The following ICOS variants were observed in gnomAD, a reference collection of about 807,000 sequenced individuals.
ICOS encodes inducible T cell costimulator, also known as inducible T-cell costimulator.
ICOS carries 15 observed loss-of-function variants against 24.6 expected under a neutral mutation model. That is an observed-to-expected ratio of 0.61 (90% confidence interval 0.41 to 0.94). The LOEUF (loss-of-function observed/expected upper bound fraction) is 0.94. ICOS is among the 40% of genes least tolerant of loss of function. The pLI is 0.00. For missense variants in ICOS, 200 were observed against 233.0 expected (o/e 0.86, Z 0.92); for synonymous variants, 89 against 77.5 (o/e 1.15, Z -0.78).
At chr2:203,956,793 C>A in intron 3 of ICOS, 28 bp downstream of exon 3, 1 of 1,394,052 alleles carries the variant, frequency 7.2e-7, no homozygotes, top group Non-Finnish European at 1.0e-6. Context: ...TTCCTTGTAT[C>A]TGCTTTACAG....
intron 1 of ICOS, among the ~76,000 whole-genome samples, chr2:203,946,031 G>C (rs1279574912): frequency 6.6e-6 from 1 of 152,168 alleles, no homozygotes; most frequent in Non-Finnish European, 1.5e-5. Flanking sequence ...GTATTCAGAG[G>C]TGTGGATAAA....
intron 1 of ICOS, among the ~76,000 whole-genome samples, chr2:203,948,872 G>A (rs1034306852): frequency 8.5e-5 from 13 of 152,188 alleles, no homozygotes; most frequent in Admixed American, 3.9e-4. Context: ...CCTGCTTTGT[G>A]TGTTTGAGGA....
At chr2:203,957,720 CAAAGA>C in intron 3 of ICOS, 74 bp from the exon 4 acceptor site, 2 of 1,097,060 alleles carry the variant, frequency 1.8e-6, no homozygotes, top group Non-Finnish European at 2.8e-6. Context: ...ACCACTTCAA[CAAAGA>C]ATAGAAAACA....
At chr2:203,944,631 A>G (rs1689838048) in intron 1 of ICOS, among the ~76,000 whole-genome samples, 1 of 152,216 alleles carries the variant, frequency 6.6e-6, no homozygotes. Flanking sequence ...ATTTAATATG[A>G]TTGAGCTTCC....
chr2:203,958,873 C>T (rs1006228798), intron 4 of ICOS, among the ~76,000 whole-genome samples: 6 of 152,050 alleles, frequency 3.9e-5, no homozygotes, highest in African/African-American at 1.4e-4. Context: ...TGTGTTCTGG[C>T]TGTTTGGATC....
chr2:203,955,891 A>G lies in ICOS; in HGVS notation c.314A>G (p.Asn105Ser). 1 of 1,613,680 alleles carries G rather than the reference A, an allele frequency of 6.2e-7. No homozygotes were observed. Among genetic ancestry groups the G allele is most frequent in the Middle Eastern group, 1.7e-4 (1 of 6,058 alleles). ...FLYNLDHSHA[N>S]YYFCNLSIFD... The stretch of plus-strand genomic sequence containing the variant: ...TACAACTTGGACCATTCTCATGCCA[A>G]CTATTACTTCTGCAACCTATCAATT... The change falls in exon 2 of 5, where the codon AAC becomes AGC. Residue 105 changes from asparagine to serine, a missense_variant. Coordinates refer to ENST00000316386, the MANE Select transcript of ICOS (RefSeq NM_012092.4).
intron 2 of ICOS, 108 bp downstream of exon 2, chr2:203,956,079 C>T: frequency 1.4e-6 from 1 of 721,820 alleles, no homozygotes; most frequent in Non-Finnish European, 2.3e-6. Context: ...TGTTGGAGTT[C>T]ACTTAGATGC....
chr2:203,945,462 G>A (rs947630472), intron 1 of ICOS, among the ~76,000 whole-genome samples: 8 of 152,160 alleles, frequency 5.3e-5, no homozygotes, highest in Admixed American at 1.3e-4. Flanking sequence ...GCCACTTGAC[G>A]ATGGGAATAC....
At chr2:203,950,001 T>C (rs1689941680) in intron 1 of ICOS, among the ~76,000 whole-genome samples, 2 of 152,252 alleles carry the variant, frequency 1.3e-5, no homozygotes, top group Non-Finnish European at 2.9e-5. Flanking sequence ...GCTTTAGTCA[T>C]GGTTATAAGG....
intron 1 of ICOS, 113 bp downstream of exon 1, chr2:203,936,985 T>A: frequency 1.3e-6 from 1 of 770,582 alleles, no homozygotes; most frequent in Admixed American, 2.0e-5. Flanking sequence ...TTTTTGAAAG[T>A]AGGAATAGTT....
At chr2:203,953,594 T>C (rs1405629392) in intron 1 of ICOS, among the ~76,000 whole-genome samples, 3 of 152,176 alleles carry the variant, frequency 2.0e-5, no homozygotes, top group Admixed American at 6.5e-5. Flanking sequence ...AGGCAACTAG[T>C]GTAAGTAGAG....
At position 203,950,258 on chromosome 2, in the gene ICOS, G is replaced by A. The variant is rs1689946367; in HGVS notation, c.59-5378G>A. Among the ~76,000 whole-genome samples, 3 of 152,228 alleles carry A rather than the reference G, an allele frequency of 2.0e-5. No homozygotes were observed. In the South Asian group the frequency reaches 6.2e-4, roughly 31 times the overall value. ...ATCTGGTGAGGGCCTTCTTTCTGGT[G>A]GGGACACTCATCAGAGGCCCAAGGC... On this transcript the variant is annotated intron_variant, in intron 1 of 4. Transcript: ENST00000316386.
At position 203,961,443 on chromosome 2, in the gene ICOS, GAC is replaced by G. The variant is rs1414118025; in HGVS notation, c.*1847_*1848del. On this transcript the variant is annotated 3_prime_UTR_variant, in exon 5 of 5. Coordinates refer to ENST00000316386, the MANE Select transcript of ICOS (RefSeq NM_012092.4). The stretch of plus-strand genomic sequence containing the variant: ...CGACACATCCTCATCCCCAGCATGG[GAC>G]ACCTCAAGATGAATAATAATTCACA... 5.6e-5 allele frequency: 9 copies of G among 160,018 alleles called. No individual in the cohort carries two copies. The highest frequency in any genetic ancestry group is 1.2e-4 in the Non-Finnish European group (9 of 73,016). 9.9% of individuals were successfully genotyped at this position (160,018 alleles called of 1,614,324 possible). A position where few individuals can be genotyped will look rare whatever the true frequency, so the allele number is the denominator to read the frequency against.
At position 203,959,638 on chromosome 2, in the gene ICOS, A is replaced by G; in HGVS notation, c.*39A>G. 1 of 1,602,716 alleles carries G rather than the reference A, an allele frequency of 6.2e-7. No individual in the cohort carries two copies. Among genetic ancestry groups the G allele is most frequent in the Non-Finnish European group, 8.5e-7 (1 of 1,169,850 alleles). ...CACCCAGGCATGAAGCACGTTGGCC[A>G]GTTTTCCTCAACTTGAAGTGCAAGA... On this transcript the variant is annotated 3_prime_UTR_variant, in exon 5 of 5. Coordinates refer to ENST00000316386, the MANE Select transcript of ICOS (RefSeq NM_012092.4).
At chr2:203,950,963 G>A (rs891393783) in intron 1 of ICOS, among the ~76,000 whole-genome samples, 1 of 152,078 alleles carries the variant, frequency 6.6e-6, no homozygotes, top group Non-Finnish European at 1.5e-5. Context: ...GGGAAGCTGA[G>A]GCAGCAGAAT....
chr2:203,940,877 G>A lies in ICOS; in HGVS notation c.58+4005G>A, dbSNP rs775329777. 5.3e-5 allele frequency among the ~76,000 whole-genome samples: 8 copies of A among 152,040 alleles called. 1 individual carries two copies. Among genetic ancestry groups the A allele is most frequent in the African/African-American group, 4.8e-5 (2 of 41,476 alleles). On this transcript the variant is annotated intron_variant, in intron 1 of 4. Transcript: ENST00000316386. The stretch of plus-strand genomic sequence containing the variant: ...CGGCTTACTGCAACCTCCACCTCCC[G>A]GGTTGAAGCGATTCTCCTGCCTCAG...
At chr2:203,951,333 C>G (rs1689969994) in intron 1 of ICOS, among the ~76,000 whole-genome samples, 3 of 152,222 alleles carry the variant, frequency 2.0e-5, no homozygotes, top group African/African-American at 7.2e-5. Flanking sequence ...AGAATTAGCT[C>G]TCTCAGTTGT....
At chr2:203,943,061 T>C (rs1214382931) in intron 1 of ICOS, among the ~76,000 whole-genome samples, 1 of 152,234 alleles carries the variant, frequency 6.6e-6, no homozygotes, top group African/African-American at 2.4e-5. Flanking sequence ...TCACTTCTTG[T>C]ATCATTTTTT....
chr2:203,946,774 G>A (rs1448583791), intron 1 of ICOS, among the ~76,000 whole-genome samples: 2 of 152,066 alleles, frequency 1.3e-5, no homozygotes, highest in Middle Eastern at 3.2e-3. Context: ...TTCATGTGCT[G>A]TGCTAAGCTA....
Sources: allele counts gnomAD v4.1 joint callset (sites outside exome capture counted in the v4.1 genomes callset), GRCh38; gene constraint gnomAD v4.1.1; transcripts MANE v1.5; gene names NCBI Gene and HGNC (gene_info 2026-07-23, HGNC 2026-07-21).